TANC2: variants seen among roughly 807,000 people sequenced by gnomAD.
The protein encoded by TANC2 is protein TANC2.
In TANC2, 26 loss-of-function variants were observed where a neutral mutation model predicts 210.5. The ratio of observed to expected loss-of-function variants is 0.12; its 90% confidence interval spans 0.09 to 0.17. TANC2 has a LOEUF of 0.17. TANC2 is among the 10% of genes least tolerant of loss of function. TANC2 has a pLI of 1.00. For missense variants in TANC2, 2,129 were observed against 2,608.9 expected (o/e 0.82, Z 4.01); for synonymous variants, 931 against 967.1 (o/e 0.96, Z 0.69).
exon 4 of TANC2, chr17:63,099,226 C>T (rs754479608): frequency 7.5e-6 from 12 of 1,610,406 alleles, no homozygotes; most frequent in Admixed American, 3.4e-5. Context: ...TACGCTGTCC[C>T]GCCACTTCCA....
At chr17:63,214,865 C>A (rs987394628) in intron 7 of TANC2, among the ~76,000 whole-genome samples, 4 of 152,108 alleles carry the variant, frequency 2.6e-5, no homozygotes, top group Non-Finnish European at 4.4e-5. Context: ...CTGGTCTCAC[C>A]CTGGGAAGAT....
intron 17 of TANC2, among the ~76,000 whole-genome samples, chr17:63,395,126 C>A (rs1441217553): frequency 2.0e-5 from 3 of 152,214 alleles, no homozygotes; most frequent in Admixed American, 6.5e-5. Context: ...GGTCTTCTTT[C>A]AGCCTAAACT....
At chr17:63,372,323 C>G (rs2047293016) in intron 14 of TANC2, among the ~76,000 whole-genome samples, 1 of 152,154 alleles carries the variant, frequency 6.6e-6, no homozygotes, top group African/African-American at 2.4e-5. Flanking sequence ...TAATTTTTCC[C>G]TGATCTGTGG....
chr17:63,215,393 CT>C (rs1598622666), intron 7 of TANC2, among the ~76,000 whole-genome samples: 1 of 151,994 alleles, frequency 6.6e-6, no homozygotes, highest in East Asian at 1.9e-4. Flanking sequence ...TCCTAAATAC[CT>C]TTGAATTTTC....
chr17:63,115,412 C>G (rs138283687), intron 4 of TANC2, among the ~76,000 whole-genome samples: 5 of 152,166 alleles, frequency 3.3e-5, no homozygotes, highest in African/African-American at 1.2e-4. Flanking sequence ...TCTTTATTAC[C>G]AAGTTACTAT....
intron 3 of TANC2, among the ~76,000 whole-genome samples, chr17:63,084,619 A>G (rs2036893940): frequency 6.6e-6 from 1 of 151,880 alleles, no homozygotes; most frequent in Admixed American, 6.6e-5. Flanking sequence ...TTCTTTTCTA[A>G]TATATATTAA....
intron 8 of TANC2, among the ~76,000 whole-genome samples, chr17:63,255,047 G>A (rs1440366850): frequency 6.8e-6 from 1 of 147,772 alleles, no homozygotes; most frequent in East Asian, 2.0e-4. Context: ...AGTAGGATTG[G>A]GAATAGTTAT....
intron 11 of TANC2, chr17:63,339,201 G>C (rs1324362797): frequency 6.6e-6 from 1 of 152,226 alleles, no homozygotes; most frequent in Non-Finnish European, 1.5e-5. Flanking sequence ...CATGCTGAGT[G>C]CTTTCTCTAC....
chr17:63,196,061 T>A (rs2041335919), intron 6 of TANC2, among the ~76,000 whole-genome samples: 2 of 152,216 alleles, frequency 1.3e-5, no homozygotes, highest in Non-Finnish European at 2.9e-5. Flanking sequence ...TTAATTCCTC[T>A]TCTAATAATT....
chr17:63,426,579 ACAGT>A (rs935215671), exon 28 of TANC2: 17 of 152,366 alleles, frequency 1.1e-4, no homozygotes, highest in South Asian at 2.1e-4. Context: ...CATGGTGGCC[ACAGT>A]CAGAGCTTTG....
At chr17:63,319,626 C>T (rs1166359922) in intron 11 of TANC2, among the ~76,000 whole-genome samples, 1 of 152,234 alleles carries the variant, frequency 6.6e-6, no homozygotes, top group East Asian at 1.9e-4. Context: ...GCTGGGATTA[C>T]AGGCGTGAGC....
At chr17:63,271,375 G>A (rs768059888) in intron 9 of TANC2, among the ~76,000 whole-genome samples, 4 of 150,974 alleles carry the variant, frequency 2.6e-5, no homozygotes, top group East Asian at 1.9e-4. Context: ...GTTATGAGAC[G>A]GTATCTCACT....
intron 5 of TANC2, among the ~76,000 whole-genome samples, chr17:63,181,158 G>T (rs1030280985): frequency 1.3e-5 from 2 of 151,600 alleles, no homozygotes; most frequent in Non-Finnish European, 2.9e-5. Flanking sequence ...ACTCTTCTCA[G>T]TAGAGAGGAG....
At chr17:63,012,039 C>G (rs922399509) in intron 2 of TANC2, among the ~76,000 whole-genome samples, 2 of 141,310 alleles carry the variant, frequency 1.4e-5, no homozygotes, top group African/African-American at 5.3e-5. Flanking sequence ...TTTTTTGAGA[C>G]AGGATCTCAC....
At chr17:63,109,049 T>C (rs1222867821) in intron 4 of TANC2, among the ~76,000 whole-genome samples, 4 of 151,518 alleles carry the variant, frequency 2.6e-5, no homozygotes, top group Non-Finnish European at 5.9e-5. Flanking sequence ...AGTTGGAAAT[T>C]AACATGTATT....
At chr17:63,171,020 A>T (rs1224565117) in intron 5 of TANC2, among the ~76,000 whole-genome samples, 5 of 150,718 alleles carry the variant, frequency 3.3e-5, no homozygotes, top group Admixed American at 1.3e-4. Flanking sequence ...GTGGGGTGGG[A>T]TAGAGAATAT....
At chr17:63,390,278 A>ATACCC (rs1395786668) in intron 17 of TANC2, 9 of 152,520 alleles carry the variant, frequency 5.9e-5, no homozygotes, top group African/African-American at 2.2e-4. Context: ...TCATAGTGAA[A>ATACCC]TACAAGTCAT....
At chr17:63,266,192 T>C (rs1448012010) in intron 8 of TANC2, among the ~76,000 whole-genome samples, 2 of 152,148 alleles carry the variant, frequency 1.3e-5, no homozygotes, top group African/African-American at 4.8e-5. Context: ...ATTCCATTCC[T>C]GTAATTGTAA....
intron 4 of TANC2, chr17:63,148,561 A>G (rs2039540569): frequency 6.6e-6 from 1 of 152,166 alleles, no homozygotes; most frequent in African/African-American, 2.4e-5. Flanking sequence ...CAAGTCATTG[A>G]GGGCATAAGA....
Sources: allele counts gnomAD v4.1 joint callset (sites outside exome capture counted in the v4.1 genomes callset), GRCh38; gene constraint gnomAD v4.1.1; transcripts MANE v1.5; gene names NCBI Gene and HGNC (gene_info 2026-07-23, HGNC 2026-07-21).